Variants in ZFHX4 observed in about 807,000 individuals in gnomAD.
The protein encoded by ZFHX4 is zinc finger homeobox protein 4.
In ZFHX4, 56 loss-of-function variants were observed where a neutral mutation model predicts 267.6. That is an observed-to-expected ratio of 0.21 (90% CI 0.17 to 0.26). The LOEUF is 0.26. Ranked by LOEUF, ZFHX4 falls within the 10% of genes least tolerant of loss-of-function variation. The probability of loss-of-function intolerance (pLI) is 1.00; values close to 1 mark genes in which losing one functional copy is unlikely to be tolerated. For missense variants in ZFHX4, 4,332 were observed against 4,420.0 expected, an observed-to-expected ratio of 0.98 and a Z score of 0.56; for synonymous variants, 1,778 against 1,665.6, an observed-to-expected ratio of 1.07 and a Z score of -1.64.
At chr8:76,827,827 C>T (rs1811826991) in intron 4 of ZFHX4, among the ~76,000 whole-genome samples, 1 of 152,118 alleles carries the variant, frequency 6.6e-6, no homozygotes, top group African/African-American at 2.4e-5. Flanking sequence ...ACAGACAGGG[C>T]AGGGCAAAGG....
intron 3 of ZFHX4, among the ~76,000 whole-genome samples, chr8:76,754,618 T>C (rs749425168): frequency 6.6e-6 from 1 of 152,244 alleles, no homozygotes; most frequent in Admixed American, 6.5e-5. Context: ...AATATTTTGA[T>C]ACACGTATAT....
intron 3 of ZFHX4, among the ~76,000 whole-genome samples, chr8:76,732,160 G>A (rs1809032678): frequency 6.6e-6 from 1 of 151,808 alleles, no homozygotes; most frequent in African/African-American, 2.4e-5. Flanking sequence ...ATTTTTGTAA[G>A]GAGTAAAATA....
intron 3 of ZFHX4, among the ~76,000 whole-genome samples, chr8:76,722,323 A>G (rs1378673894): frequency 6.6e-6 from 1 of 152,090 alleles, no homozygotes; most frequent in Non-Finnish European, 1.5e-5. Flanking sequence ...TCTGTAACAC[A>G]GTAAAACTGA....
At chr8:76,755,868 T>C (rs1809746809) in intron 3 of ZFHX4, among the ~76,000 whole-genome samples, 1 of 152,160 alleles carries the variant, frequency 6.6e-6, no homozygotes, top group African/African-American at 2.4e-5. Flanking sequence ...ATCTCATTTT[T>C]TGTATACTGA....
intron 1 of ZFHX4, chr8:76,684,044 T>C (rs1807627227): frequency 6.6e-6 from 1 of 151,534 alleles, no homozygotes; most frequent in Admixed American, 6.6e-5. Context: ...TTCTTTCTGT[T>C]TTGGTTTTTT....
intron 3 of ZFHX4, among the ~76,000 whole-genome samples, chr8:76,757,642 G>T (rs866943839): frequency 1.3e-5 from 2 of 152,192 alleles, no homozygotes; most frequent in Non-Finnish European, 2.9e-5. Context: ...AAATGAGGAG[G>T]AAAGTGCAGA....
At position 76,826,897 on chromosome 8, in the gene ZFHX4, A is replaced by G. The variant is rs1254561770; in HGVS notation, c.3326-6441A>G. Among the ~76,000 whole-genome samples, 118 of 152,366 alleles carry G rather than the reference A, an allele frequency of 7.7e-4. 2 individuals carry two copies. The highest frequency in any genetic ancestry group is 1.5e-5 in the Non-Finnish European group (1 of 68,028). The stretch of plus-strand genomic sequence containing the variant: ...AAATAAAAGCTGGTTTTGAGATAGG[A>G]AGCAAAGAGTTGAAATAACTAGCCA... On this transcript the variant is annotated intron_variant, in intron 4 of 10. Transcript: ENST00000651372.
chr8:76,790,944 G>C (rs1032582818), intron 4 of ZFHX4, among the ~76,000 whole-genome samples: 3 of 152,152 alleles, frequency 2.0e-5, no homozygotes, highest in African/African-American at 7.2e-5. Context: ...AACCAGAGAA[G>C]AATTTTTAAA....
chr8:76,685,563 T>C (rs1807672554), intron 1 of ZFHX4, among the ~76,000 whole-genome samples: 1 of 152,250 alleles, frequency 6.6e-6, no homozygotes, highest in Non-Finnish European at 1.5e-5. Context: ...TTATGTAATA[T>C]ATATGTACAT....
chr8:76,823,949 G>T (rs1054371424), intron 4 of ZFHX4, among the ~76,000 whole-genome samples: 8 of 152,138 alleles, frequency 5.3e-5, no homozygotes, highest in South Asian at 2.1e-4. Flanking sequence ...ATAGTAGCAA[G>T]ATTTTATTTA....
chr8:76,803,997 C>A (rs1377993905), intron 4 of ZFHX4, among the ~76,000 whole-genome samples: 1 of 152,030 alleles, frequency 6.6e-6, no homozygotes, highest in Non-Finnish European at 1.5e-5. Context: ...TTAAGTCCAG[C>A]AGTCTTTTTA....
chr8:76,809,111 G>A (rs905549853), intron 4 of ZFHX4, among the ~76,000 whole-genome samples: 1 of 151,990 alleles, frequency 6.6e-6, no homozygotes, highest in Non-Finnish European at 1.5e-5. Context: ...ACATCTCTGT[G>A]ATTGCAATTT....
At chr8:76,739,022 T>G (rs1391214718) in intron 3 of ZFHX4, among the ~76,000 whole-genome samples, 1 of 152,106 alleles carries the variant, frequency 6.6e-6, no homozygotes, top group African/African-American at 2.4e-5. Context: ...GTCTGCTTTT[T>G]TTCATAACTA....
chr8:76,782,060 T>C (rs1810561528), intron 4 of ZFHX4: 1 of 368,212 alleles, frequency 2.7e-6, no homozygotes, highest in Non-Finnish European at 5.3e-6. Context: ...CTCAAATATG[T>C]AAATGGTAGC....
At chr8:76,712,412 A>T (rs1013999513) in intron 3 of ZFHX4, among the ~76,000 whole-genome samples, 7 of 152,228 alleles carry the variant, frequency 4.6e-5, no homozygotes, top group African/African-American at 1.7e-4. Flanking sequence ...TTTTCTTAGT[A>T]GGAAATAATA....
intron 3 of ZFHX4, among the ~76,000 whole-genome samples, chr8:76,718,240 T>C (rs1187765603): frequency 2.0e-5 from 3 of 152,210 alleles, no homozygotes; most frequent in Admixed American, 6.5e-5. Flanking sequence ...ATGGGAATTA[T>C]ATAAAACCAG....
In ZFHX4 at chr8:76,864,286, G is replaced by A. The variant is rs1586027376; in HGVS notation, c.10572G>A (p.Lys3524=). The A allele has an allele frequency of 6.2e-7, 1 of 1,613,854 alleles. No individual in the cohort carries two copies. Among genetic ancestry groups the A allele is most frequent in the Non-Finnish European group, 8.5e-7 (1 of 1,179,844 alleles). ...TYPHLSCFSM[K]SWPNILFQAS... ...CTCATCTTTCTTGCTTCTCCATGAAGTCCTGGCCTAATATCCTTTTCCAAG... is the reference window on the plus strand; with the variant it reads ...CTCATCTTTCTTGCTTCTCCATGAAATCCTGGCCTAATATCCTTTTCCAAG... Residue 3524 remains lysine (K), a synonymous_variant, in exon 11 of 11, where the codon AAG becomes AAA. Transcript: ENST00000651372.
At chr8:76,746,441 CT>C (rs1809462507) in intron 3 of ZFHX4, among the ~76,000 whole-genome samples, 1 of 152,052 alleles carries the variant, frequency 6.6e-6, no homozygotes, top group Non-Finnish European at 1.5e-5. Context: ...ATATTTTTTT[CT>C]TTTGGTTTTA....
intron 1 of ZFHX4, chr8:76,682,920 T>A (rs982881457): frequency 1.3e-5 from 2 of 152,506 alleles, no homozygotes; most frequent in East Asian, 3.9e-4. Flanking sequence ...CTCTTTTCTA[T>A]CAGAAAAAAA....
Sources: allele counts gnomAD v4.1 joint callset (sites outside exome capture counted in the v4.1 genomes callset), GRCh38; gene constraint gnomAD v4.1.1; transcripts MANE v1.5; gene names NCBI Gene and HGNC (gene_info 2026-07-23, HGNC 2026-07-21).